The following IRAG1 variants were observed in gnomAD, a reference collection of about 807,000 sequenced individuals.
IRAG1 encodes IP3R-associated cGMP kinase substrate.
IRAG1 carries 62 observed loss-of-function variants against 106.2 expected under a neutral mutation model. That is an observed-to-expected ratio of 0.58 (90% CI 0.48 to 0.72). The LOEUF (loss-of-function observed/expected upper bound fraction) is 0.72. Ranked by LOEUF, IRAG1 falls within the 30% of genes least tolerant of loss-of-function variation. The pLI is 0.00. For synonymous variants in IRAG1, 462 were observed against 443.9 expected (o/e 1.04, Z -0.51); for missense variants, 1,064 against 1,140.7 (o/e 0.93, Z 0.97).
intron 1 of IRAG1, among the ~76,000 whole-genome samples, chr11:10,670,338 C>T (rs1227375425): frequency 6.6e-6 from 1 of 152,192 alleles, no homozygotes; most frequent in Non-Finnish European, 1.5e-5. Context: ...AGTCTAATGG[C>T]TGGTCATCCA....
In IRAG1 at chr11:10,652,485, C is replaced by A. The variant is rs888802051; in HGVS notation, c.68-303G>T. 4 of 570,736 alleles carry A rather than the reference C, an allele frequency of 7.0e-6. No individual in the cohort carries two copies. The African/African-American group carries it at 7.7e-5, about 11-fold the overall frequency. 35.4% of individuals were successfully genotyped at this position (570,736 alleles called of 1,614,324 possible). Reference sequence around the variant, plus strand: ...AAAGCTGTAGCTAATGGAAGATACTCCATTGAGATCACATTGGCAGTTGTT... The same window carrying A: ...AAAGCTGTAGCTAATGGAAGATACTACATTGAGATCACATTGGCAGTTGTT... On this transcript the variant is annotated intron_variant, in intron 1 of 20. Coordinates refer to ENST00000423302, the MANE Select transcript of IRAG1 (RefSeq NM_130385.4).
At chr11:10,640,019 A>G (rs1447759393) in intron 2 of IRAG1, among the ~76,000 whole-genome samples, 10 of 152,196 alleles carry the variant, frequency 6.6e-5, no homozygotes. Flanking sequence ...GGCCTCTGCA[A>G]TGCTTCCCAT....
intron 1 of IRAG1, among the ~76,000 whole-genome samples, chr11:10,686,842 G>A (rs1861693987): frequency 6.6e-6 from 1 of 152,150 alleles, no homozygotes; most frequent in Non-Finnish European, 1.5e-5. Flanking sequence ...TATAAAATGT[G>A]CCTGGCACAT....
At chr11:10,680,923 A>G (rs1012614377) in intron 1 of IRAG1, among the ~76,000 whole-genome samples, 1 of 152,206 alleles carries the variant, frequency 6.6e-6, no homozygotes, top group Non-Finnish European at 1.5e-5. Context: ...AAAACTCCAG[A>G]TAATTCATGA....
At chr11:10,671,225 T>C (rs1385371687) in intron 1 of IRAG1, among the ~76,000 whole-genome samples, 1 of 152,226 alleles carries the variant, frequency 6.6e-6, no homozygotes, top group Non-Finnish European at 1.5e-5. Context: ...TATGATCTTA[T>C]ATATGCAAAA....
chr11:10,626,752 G>A (rs568976473), intron 8 of IRAG1, among the ~76,000 whole-genome samples, 169 bp from the exon 9 acceptor site: 5 of 152,342 alleles, frequency 3.3e-5, no homozygotes, highest in African/African-American at 7.2e-5. Flanking sequence ...GCTTCTGCCC[G>A]AGGTTTGTCA....
chr11:10,627,852 G>A, intron 7 of IRAG1, 92 bp from the exon 8 acceptor site: 2 of 1,586,840 alleles, frequency 1.3e-6, no homozygotes, highest in South Asian at 2.2e-5. Flanking sequence ...TAGCAGTGGT[G>A]TTCATGCCCT....
chr11:10,658,294 C>T (rs1859092871), intron 1 of IRAG1: 3 of 152,302 alleles, frequency 2.0e-5, no homozygotes, highest in Admixed American at 1.3e-4. Context: ...TGGCAGATTC[C>T]GTTCTAATCC....
At chr11:10,584,778 A>G (rs1851780282) in intron 18 of IRAG1, among the ~76,000 whole-genome samples, 1 of 152,136 alleles carries the variant, frequency 6.6e-6, no homozygotes, top group South Asian at 2.1e-4. Flanking sequence ...AGATTCCTCA[A>G]CTGTACAATG....
chr11:10,581,838 G>T, intron 19 of IRAG1, 29 bp downstream of exon 19: 1 of 1,607,102 alleles, frequency 6.2e-7, no homozygotes, highest in Non-Finnish European at 8.5e-7. Context: ...ACTGCCAGGT[G>T]CCCTTGGGGT....
intron 1 of IRAG1, among the ~76,000 whole-genome samples, chr11:10,654,354 T>G (rs1858756663): frequency 6.6e-6 from 1 of 152,230 alleles, no homozygotes; most frequent in Admixed American, 6.5e-5. Flanking sequence ...GATTTATGTT[T>G]AAAGAACTAG....
chr11:10,633,109 C>T (rs553906376), intron 3 of IRAG1, among the ~76,000 whole-genome samples: 3 of 138,806 alleles, frequency 2.2e-5, no homozygotes, highest in Admixed American at 7.8e-5. Flanking sequence ...GAGTCTCGCA[C>T]TGTCGCCCAG....
chr11:10,679,312 T>C (rs1860957382), intron 1 of IRAG1, among the ~76,000 whole-genome samples: 1 of 151,746 alleles, frequency 6.6e-6, no homozygotes, highest in African/African-American at 2.4e-5. Context: ...AACACTTTCA[T>C]CATCCCAAAT....
chr11:10,581,655 T>G (rs1464989092), intron 19 of IRAG1, among the ~76,000 whole-genome samples: 1 of 152,080 alleles, frequency 6.6e-6, no homozygotes. Flanking sequence ...GAGGGCAGTC[T>G]TGTTATTGTC....
chr11:10,667,840 G>T (rs865950619), intron 1 of IRAG1, among the ~76,000 whole-genome samples: 1 of 152,192 alleles, frequency 6.6e-6, no homozygotes, highest in Non-Finnish European at 1.5e-5. Flanking sequence ...AATAGGGCCT[G>T]GGAATCTGTA....
chr11:10,663,750 A>G (rs892920000), intron 1 of IRAG1, among the ~76,000 whole-genome samples: 1 of 152,196 alleles, frequency 6.6e-6, no homozygotes, highest in African/African-American at 2.4e-5. Flanking sequence ...CTTCTTTTGA[A>G]AGCAAGGACT....
intron 19 of IRAG1, among the ~76,000 whole-genome samples, chr11:10,581,474 A>C (rs1851386903): frequency 6.6e-6 from 1 of 152,050 alleles, no homozygotes; most frequent in South Asian, 2.1e-4. Flanking sequence ...GAGTGACCAA[A>C]GCAGTTCTAG....
intron 4 of IRAG1, among the ~76,000 whole-genome samples, chr11:10,631,250 C>A (rs1856669215): frequency 6.6e-6 from 1 of 152,016 alleles, no homozygotes; most frequent in African/African-American, 2.4e-5. Flanking sequence ...TGAAAAAGTC[C>A]CAATTGGTAC....
At chr11:10,664,972 T>C (rs1366222138) in intron 1 of IRAG1, among the ~76,000 whole-genome samples, 1 of 152,284 alleles carries the variant, frequency 6.6e-6, no homozygotes, top group Admixed American at 6.5e-5. Context: ...TGAGAACCAA[T>C]GAATACCCCT....
Sources: allele counts gnomAD v4.1 joint callset (sites outside exome capture counted in the v4.1 genomes callset), GRCh38; gene constraint gnomAD v4.1.1; transcripts MANE v1.5; gene names NCBI Gene and HGNC (gene_info 2026-07-23, HGNC 2026-07-21).